The following MAP3K10 variants were observed in gnomAD, a reference collection of about 807,000 sequenced individuals.
MAP3K10 encodes MKN28 derived nonreceptor_type serine/threonine kinase.
MAP3K10 carries 22 observed loss-of-function variants against 75.0 expected under a neutral mutation model. The ratio of observed to expected loss-of-function variants is 0.29; its 90% CI spans 0.21 to 0.42. The LOEUF (loss-of-function observed/expected upper bound fraction) is 0.42. MAP3K10 is among the 10% of genes least tolerant of loss of function. MAP3K10 has a pLI of 1.00. For missense variants in MAP3K10, 1,165 were observed against 1,379.8 expected (o/e 0.84, Z 2.47); for synonymous variants, 599 against 612.9 (o/e 0.98, Z 0.34).
chr19:40,211,795 C>T (rs1973245559), intron 6 of MAP3K10, among the ~76,000 whole-genome samples: 1 of 152,182 alleles, frequency 6.6e-6, no homozygotes, highest in African/African-American at 2.4e-5. Context: ...GCGATCTCAA[C>T]TCACTGCAAC....
chr19:40,213,061 C>G lies in MAP3K10; in HGVS notation c.1725-15C>G, dbSNP rs1237405526. 6.2e-7 allele frequency: 1 copy of G among 1,603,744 alleles called. No individual in the cohort carries two copies. Reference sequence around the variant, plus strand: ...CCACAGGACTGAGGTCTCCATCTCTCCCTGGACCCCGCAGGCTGAAGGGGC... The same window carrying G: ...CCACAGGACTGAGGTCTCCATCTCTGCCTGGACCCCGCAGGCTGAAGGGGC... On this transcript the variant is annotated splice_polypyrimidine_tract_variant and intron_variant, in intron 7 of 9. Coordinates refer to ENST00000253055, the MANE Select transcript of MAP3K10 (RefSeq NM_002446.4). The surrounding 1 kb of genome is among the most constrained non-coding windows in gnomAD (Gnocchi z 5.7).
intron 1 of MAP3K10, among the ~76,000 whole-genome samples, chr19:40,197,719 C>T (rs1296751498): frequency 1.3e-5 from 2 of 152,160 alleles, no homozygotes; most frequent in African/African-American, 4.8e-5. Flanking sequence ...TGCAGTGTGC[C>T]ACGGGGGTGA....
chr19:40,197,813 T>G (rs1972936609), intron 1 of MAP3K10, among the ~76,000 whole-genome samples: 2 of 151,088 alleles, frequency 1.3e-5, no homozygotes, highest in Admixed American at 6.7e-5. Flanking sequence ...ACTCAAGGCC[T>G]GGAGGACTAA....
chr19:40,199,326 T>C (rs983982562), intron 2 of MAP3K10, among the ~76,000 whole-genome samples: 1 of 152,050 alleles, frequency 6.6e-6, no homozygotes, highest in African/African-American at 2.4e-5. Flanking sequence ...TTTAAGAAAA[T>C]TATAATTTTT....
chr19:40,191,779 G>C lies in MAP3K10; in HGVS notation c.-253G>C, dbSNP rs1404461706. 4.8e-5 allele frequency: 18 copies of C among 377,762 alleles called. No individual in the cohort carries two copies. The allele number at this position is 377,762 out of a possible 1,614,324, so 23.4% of individuals were successfully genotyped here. A position where few individuals can be genotyped will look rare whatever the true frequency, so the allele number is the denominator to read the frequency against. ...GGCCCTCTTAGCCCTCTGCCGTTTG[G>C]GGGGCACGGGTGAACCTGCCGCCCC... On this transcript the variant is annotated 5_prime_UTR_variant, in exon 1 of 10. Transcript: ENST00000253055.
rs1026575045 is a variant in MAP3K10, at chr19:40,213,297, C to G, written c.1837+109C>G. On this transcript the variant is annotated intron_variant, in intron 8 of 9. Transcript: ENST00000253055. This position sits in a 1 kb window ranked among gnomAD's most constrained non-coding sequence, Gnocchi z 5.7. Reference sequence around the variant, plus strand: ...TTCACTGGGCCAGTGAGTGGAAGGCCTTCCTGGGAAGGGAGATGGTGGCCC... The same window carrying G: ...TTCACTGGGCCAGTGAGTGGAAGGCGTTCCTGGGAAGGGAGATGGTGGCCC... The G allele has an allele frequency of 2.1e-6, 3 of 1,452,688 alleles. No individual in the cohort carries two copies. Among genetic ancestry groups the G allele is most frequent in the Non-Finnish European group, 2.7e-6 (3 of 1,105,982 alleles). The allele number at this position is 1,452,688 out of a possible 1,614,324, so 90.0% of individuals were successfully genotyped here.
In MAP3K10 at chr19:40,212,086, G is replaced by A. The variant is rs897484398; in HGVS notation, c.1553-719G>A. On this transcript the variant is annotated intron_variant, in intron 6 of 9. Transcript: ENST00000253055. This position sits in a 1 kb window ranked among gnomAD's most constrained non-coding sequence, Gnocchi z 4.2. ...CCCAGAGCCATGCGAGCAAGGCACT[G>A]AGGGAATCAAATTGACCTTTTTCCC... 7.9e-5 allele frequency among the ~76,000 whole-genome samples: 12 copies of A among 152,200 alleles called. No individual in the cohort carries two copies. The highest frequency in any genetic ancestry group is 2.9e-4 in the African/African-American group (12 of 41,450).
chr19:40,205,772 G>A lies in MAP3K10; in HGVS notation c.1189-139G>A, dbSNP rs1009690744. ...GCACCCAGCTTGGCTAGCAAAGCAT[G>A]AGTCGGGTGGTGAAACCAGTGTACC... On this transcript the variant is annotated intron_variant, in intron 4 of 9. Transcript: ENST00000253055. This position sits in a 1 kb window ranked among gnomAD's most constrained non-coding sequence, Gnocchi z 4.3. 2.2e-6 allele frequency: 2 copies of A among 911,542 alleles called. No individual in the cohort carries two copies. The highest frequency in any genetic ancestry group is 3.1e-6 in the Non-Finnish European group (2 of 636,902). The allele number at this position is 911,542 out of a possible 1,614,324, so 56.5% of individuals were successfully genotyped here. A position where few individuals can be genotyped will look rare whatever the true frequency, so the allele number is the denominator to read the frequency against.
chr19:40,209,013 T>C, intron 5 of MAP3K10, 90 bp from the exon 6 acceptor site: 3 of 934,238 alleles, frequency 3.2e-6, no homozygotes, highest in Non-Finnish European at 5.2e-6. Context: ...GTTCCCATTC[T>C]AGAATTCCTT....
Position 40,213,745 on chromosome 19 carries a change from C to G in MAP3K10, c.2066C>G (p.Ala689Gly). ...ATLLGAVGLGADVAEARAADG... is the reference protein window; with the variant it reads ...ATLLGAVGLGGDVAEARAADG... ...CTGCTGGGGGCTGTGGGCCTGGGCG[C>G]CGACGTGGCCGAGGCGCGCGCGGCC... The change falls in exon 9 of 10, where the codon GCC becomes GGC. Residue 689 changes from alanine to glycine, a missense_variant. Ala to Gly is a moderately conservative substitution (Grantham distance 60). This residue lies in a region of MAP3K10 where 590 missense variants were observed against 586.6 expected (regional missense o/e 1.01). Coordinates refer to ENST00000253055, the MANE Select transcript of MAP3K10 (RefSeq NM_002446.4). This position sits in a 1 kb window ranked among gnomAD's most constrained non-coding sequence, Gnocchi z 5.7. 3 of 1,086,998 alleles carry G rather than the reference C, an allele frequency of 2.8e-6. No individual in the cohort carries two copies. Among genetic ancestry groups the G allele is most frequent in the Non-Finnish European group, 3.4e-6 (3 of 893,922 alleles). 67.3% of individuals were successfully genotyped at this position (1,086,998 alleles called of 1,614,324 possible).
At chr19:40,206,187 C>G (rs1973118490) in intron 5 of MAP3K10, 30 bp downstream of exon 5, 8 of 1,557,158 alleles carry the variant, frequency 5.1e-6, no homozygotes, top group South Asian at 2.4e-5. Flanking sequence ...GAGCGCCCCC[C>G]AAGAGGCTGC....
chr19:40,204,846 C>T lies in MAP3K10; in HGVS notation c.1012+213C>T. The T allele has an allele frequency of 1.5e-6, 1 of 655,140 alleles. No individual in the cohort carries two copies. The highest frequency in any genetic ancestry group is 2.7e-5 in the East Asian group (1 of 36,396). 40.6% of individuals were successfully genotyped at this position (655,140 alleles called of 1,614,324 possible). On this transcript the variant is annotated intron_variant, in intron 3 of 9. Transcript: ENST00000253055. This position sits in a 1 kb window ranked among gnomAD's most constrained non-coding sequence, Gnocchi z 4.3. ...TGGGCCAGGCCCAGAGCTCTCAGGA[C>T]AACCTGTTAGGATTCCTTGGCCCTG...
intron 2 of MAP3K10, among the ~76,000 whole-genome samples, chr19:40,202,779 G>A (rs913523017): frequency 7.2e-5 from 11 of 151,954 alleles, no homozygotes; most frequent in Non-Finnish European, 1.2e-4. Context: ...TTTCCCGGCC[G>A]GGCACCCCTT....
At position 40,192,613 on chromosome 19, in the gene MAP3K10, C is replaced by A. The variant is rs757688448; in HGVS notation, c.582C>A (p.His194Gln). ...TGGCAGGTCGCCGGGTGCCACCTCA[C>A]GTGCTGGTCAACTGGGCTGTGCAGG... ...RVLAGRRVPP[H>Q]VLVNWAVQVA... Residue 194 changes from histidine to glutamine, a missense_variant, in exon 1 of 10, where the codon CAC (histidine) becomes CAA (glutamine). Around this residue, in one of 2 missense-constraint regions of MAP3K10, gnomAD observed 575 missense variants for 793.2 expected, o/e 0.72. Transcript: ENST00000253055. The surrounding 1 kb of genome is among the most constrained non-coding windows in gnomAD (Gnocchi z 7.1). 9 of 1,611,862 alleles carry A rather than the reference C, an allele frequency of 5.6e-6. No homozygotes were observed. The highest frequency in any genetic ancestry group is 7.6e-6 in the Non-Finnish European group (9 of 1,179,156).
chr19:40,205,376 C>T lies in MAP3K10; in HGVS notation c.1188+80C>T. 2.0e-6 allele frequency: 3 copies of T among 1,471,952 alleles called. No individual in the cohort carries two copies. Among genetic ancestry groups the T allele is most frequent in the Non-Finnish European group, 2.8e-6 (3 of 1,069,482 alleles). The allele number at this position is 1,471,952 out of a possible 1,614,324, so 91.2% of individuals were successfully genotyped here. ...CCTTGGGCTGCTCAGAGACTCCTCC[C>T]CTGAACCCCAGCCTTTGGGTCCATG... On this transcript the variant is annotated intron_variant, in intron 4 of 9. Transcript: ENST00000253055. The surrounding 1 kb of genome is among the most constrained non-coding windows in gnomAD (Gnocchi z 4.3).
At chr19:40,210,795 G>C (rs1182563982) in intron 6 of MAP3K10, among the ~76,000 whole-genome samples, 1 of 152,036 alleles carries the variant, frequency 6.6e-6, no homozygotes, top group Non-Finnish European at 1.5e-5. Context: ...CTCATGCAGA[G>C]AGCAAACTCA....
In MAP3K10 at chr19:40,192,430, G is replaced by A; in HGVS notation, c.399G>A (p.Lys133=). 2 of 1,614,054 alleles carry A rather than the reference G, an allele frequency of 1.2e-6. No homozygotes were observed. The highest frequency in any genetic ancestry group is 1.1e-5 in the South Asian group (1 of 91,086). Residue 133 remains lysine (K), a synonymous_variant, in exon 1 of 10, where the codon AAG becomes AAA. Coordinates refer to ENST00000253055, the MANE Select transcript of MAP3K10 (RefSeq NM_002446.4). This position sits in a 1 kb window ranked among gnomAD's most constrained non-coding sequence, Gnocchi z 7.1. ...AVKAARLDPE[K]DPAVTAEQVC... is the part of the protein sequence containing the mutation. ...AGGCCGCCCGGCTGGACCCTGAGAA[G>A]GACCCGGCAGTGACAGCGGAGCAGG...
chr19:40,205,398 C>A lies in MAP3K10; in HGVS notation c.1188+102C>A. On this transcript the variant is annotated intron_variant, in intron 4 of 9. Transcript: ENST00000253055. The surrounding 1 kb of genome is among the most constrained non-coding windows in gnomAD (Gnocchi z 4.3). Reference sequence around the variant, plus strand: ...TCCCCTGAACCCCAGCCTTTGGGTCCATGCAGGGTCAAGGGAGCCTTTTTT... The same window carrying A: ...TCCCCTGAACCCCAGCCTTTGGGTCAATGCAGGGTCAAGGGAGCCTTTTTT... The A allele has an allele frequency of 7.8e-7, 1 of 1,282,572 alleles. No homozygotes were observed. Among genetic ancestry groups the A allele is most frequent in the Non-Finnish European group, 1.1e-6 (1 of 923,458 alleles). 79.4% of individuals were successfully genotyped at this position (1,282,572 alleles called of 1,614,324 possible).
In MAP3K10 at chr19:40,213,951, A is replaced by G; in HGVS notation, c.2272A>G (p.Thr758Ala). ...GTCGTCCGTGTCCGACTGCAACTCC[A>G]CGCGTTCACTGCTGCGCTCTGACAG... ...SLSSVSDCNS[T>A]RSLLRSDSDE... The change falls in exon 9 of 10, where the codon ACG (threonine) becomes GCG (alanine). Residue 758 changes from threonine (T) to alanine (A), a missense_variant. Thr to Ala is a moderately conservative substitution (Grantham distance 58). Around this residue, in one of 2 missense-constraint regions of MAP3K10, gnomAD observed 590 missense variants for 586.6 expected, o/e 1.01. Transcript: ENST00000253055. The surrounding 1 kb of genome is among the most constrained non-coding windows in gnomAD (Gnocchi z 5.7). 1 of 1,532,190 alleles carries G rather than the reference A, an allele frequency of 6.5e-7. No individual in the cohort carries two copies. The highest frequency in any genetic ancestry group is 8.7e-7 in the Non-Finnish European group (1 of 1,147,260). 94.9% of individuals were successfully genotyped at this position (1,532,190 alleles called of 1,614,324 possible).
Sources: allele counts gnomAD v4.1 joint callset (sites outside exome capture counted in the v4.1 genomes callset), GRCh38; gene constraint gnomAD v4.1.1; regional missense constraint gnomAD v4.1.1; non-coding constraint Gnocchi (gnomAD v3.1); transcripts MANE v1.5; gene names NCBI Gene and HGNC (gene_info 2026-07-23, HGNC 2026-07-21).